PCBP3: variants seen among roughly 807,000 people sequenced by gnomAD.
The protein encoded by PCBP3 is poly(rC) binding protein 3, also known as poly(rC)-binding protein 3.
In PCBP3, 25 loss-of-function variants were observed where a neutral mutation model predicts 52.7. The ratio of observed to expected loss-of-function variants is 0.47; its 90% CI spans 0.35 to 0.66. The LOEUF (loss-of-function observed/expected upper bound fraction) is 0.66, where lower values mean the gene tolerates loss of function less well. Among genes scored for constraint, PCBP3 ranks in the 30% least tolerant of loss-of-function variants. The probability of loss-of-function intolerance (pLI) is 0.01; values close to 1 mark genes in which losing one functional copy is unlikely to be tolerated. For missense variants in PCBP3, 391 were observed against 490.3 expected (o/e 0.80, Z 1.91); for synonymous variants, 162 against 183.0 (o/e 0.89, Z 0.93).
At position 45,814,713 on chromosome 21, in the gene PCBP3, ATGAGTGAGTGGTGAGTGG is replaced by A. The variant is rs2092803650; in HGVS notation, c.-125-35230_-125-35213del. ...AGTGGTGAGTGATGAGTGGTGAGTG[ATGAGTGAGTGGTGAGTGG>A]TGAGTGAGTGGTGAGTGATGAGTGA... On this transcript the variant is annotated intron_variant, in intron 4 of 17. Transcript: ENST00000681687. Among the ~76,000 whole-genome samples, 3 of 89,472 alleles carry A rather than the reference ATGAGTGAGTGGTGAGTGG, an allele frequency of 3.4e-5. No individual in the cohort carries two copies. The South Asian group carries it at 1.3e-3, about 39-fold the overall frequency. 58.7% of individuals were successfully genotyped at this position (89,472 alleles called of 152,430 possible). A position where few individuals can be genotyped will look rare whatever the true frequency, so the allele number is the denominator to read the frequency against.
intron 15 of PCBP3, among the ~76,000 whole-genome samples, chr21:45,934,496 C>T (rs1463960578): frequency 6.6e-6 from 1 of 152,166 alleles, no homozygotes; most frequent in Non-Finnish European, 1.5e-5. Context: ...CAATTAGACC[C>T]ATATTGTCAC....
At chr21:45,677,502 T>C (rs2081542876) in intron 2 of PCBP3, among the ~76,000 whole-genome samples, 1 of 152,260 alleles carries the variant, frequency 6.6e-6, no homozygotes, top group African/African-American at 2.4e-5. Context: ...ATGCTGTACC[T>C]TGTTCTCCAG....
Position 45,880,717 on chromosome 21 carries a change from C to T in PCBP3, c.11-15491C>T, listed in dbSNP as rs923794769. Among the ~76,000 whole-genome samples the T allele has an allele frequency of 5.9e-5, 9 of 152,006 alleles. No homozygotes were observed. The highest frequency in any genetic ancestry group is 1.7e-4 in the African/African-American group (7 of 41,382). ...GTGACTGCAGCAGGGCCAGGAGAGA[C>T]GGGGTTGTAGGTACAGCCTGGTAGG... On this transcript the variant is annotated intron_variant, in intron 5 of 17. Coordinates refer to ENST00000681687, the MANE Select transcript of PCBP3 (RefSeq NM_001384156.1). The surrounding 1 kb of genome is among the most constrained non-coding windows in gnomAD (Gnocchi z 5.4).
intron 11 of PCBP3, among the ~76,000 whole-genome samples, chr21:45,912,220 G>A (rs758311643): frequency 1.3e-5 from 2 of 152,190 alleles, no homozygotes; most frequent in Non-Finnish European, 2.9e-5. Flanking sequence ...TCTCCTTCCT[G>A]GGCAGGGAGG....
chr21:45,768,923 C>T (rs1191185826), intron 4 of PCBP3, among the ~76,000 whole-genome samples: 1 of 152,192 alleles, frequency 6.6e-6, no homozygotes, highest in Non-Finnish European at 1.5e-5. Context: ...TGCCAGAGCT[C>T]CAAGGCGCAA....
At chr21:45,753,723 T>C (rs1304149937) in intron 3 of PCBP3, among the ~76,000 whole-genome samples, 1 of 152,216 alleles carries the variant, frequency 6.6e-6, no homozygotes, top group African/African-American at 2.4e-5. Flanking sequence ...GTTTGTCTTA[T>C]ATGTATGCTT....
At chr21:45,692,993 C>T (rs2082571643) in intron 2 of PCBP3, among the ~76,000 whole-genome samples, 1 of 152,150 alleles carries the variant, frequency 6.6e-6, no homozygotes, top group African/African-American at 2.4e-5. Flanking sequence ...TAATCATCAT[C>T]ATTCAATGTA....
intron 4 of PCBP3, among the ~76,000 whole-genome samples, chr21:45,797,192 T>C (rs1207440478): frequency 2.0e-5 from 3 of 152,278 alleles, no homozygotes; most frequent in Non-Finnish European, 4.4e-5. Context: ...AGAAAGTGAA[T>C]GTGAATGCTA....
At chr21:45,650,417 G>T (rs955129434) in intron 1 of PCBP3, among the ~76,000 whole-genome samples, 4 of 151,932 alleles carry the variant, frequency 2.6e-5, no homozygotes, top group African/African-American at 9.7e-5. Flanking sequence ...ATTCAGATTT[G>T]GTATCAACAT....
intron 2 of PCBP3, among the ~76,000 whole-genome samples, chr21:45,674,616 A>C (rs2081357461): frequency 6.6e-6 from 1 of 152,212 alleles, no homozygotes; most frequent in Non-Finnish European, 1.5e-5. Flanking sequence ...TTGCTTACTA[A>C]AAAATTGATA....
In PCBP3 at chr21:45,738,600, G is replaced by A. The variant is rs866511208; in HGVS notation, c.-162+3171G>A. 3.3e-5 allele frequency among the ~76,000 whole-genome samples: 5 copies of A among 152,240 alleles called. No homozygotes were observed. In the Middle Eastern group the frequency reaches 0.01, roughly 311 times the overall value. ...AGATAACAATTTTCCTTATAGAACT[G>A]AAAAATATGAAAAACAATTTAAAAA... On this transcript the variant is annotated intron_variant, in intron 3 of 17. Coordinates refer to ENST00000681687, the MANE Select transcript of PCBP3 (RefSeq NM_001384156.1).
intron 4 of PCBP3, among the ~76,000 whole-genome samples, chr21:45,768,814 C>T (rs939899154): frequency 6.6e-6 from 1 of 152,358 alleles, no homozygotes; most frequent in Non-Finnish European, 1.5e-5. Flanking sequence ...CGTGCTGTGC[C>T]TGCCCTGTGA....
intron 4 of PCBP3, among the ~76,000 whole-genome samples, chr21:45,815,475 TGATG>T (rs2092888724): frequency 1.9e-5 from 2 of 107,358 alleles, no homozygotes; most frequent in Non-Finnish European, 1.9e-5. Context: ...GAGTGATGAG[TGATG>T]GGTGAGTGGT....
intron 9 of PCBP3, among the ~76,000 whole-genome samples, chr21:45,905,194 G>A (rs918030228): frequency 6.6e-6 from 1 of 152,202 alleles, no homozygotes; most frequent in African/African-American, 2.4e-5. Context: ...GAGTCAAGCT[G>A]TGGCTAAAGC....
In PCBP3 at chr21:45,928,399, C is replaced by T. The variant is rs1344359628; in HGVS notation, c.718-1518C>T. 6.6e-6 allele frequency among the ~76,000 whole-genome samples: 1 copy of T among 152,142 alleles called. No homozygotes were observed. The highest frequency in any genetic ancestry group is 6.5e-5 in the Admixed American group (1 of 15,284). On this transcript the variant is annotated intron_variant, in intron 13 of 17. Transcript: ENST00000681687. This position sits in a 1 kb window ranked among gnomAD's most constrained non-coding sequence, Gnocchi z 4.1. ...AGGGGCAGGGCTGGGGAGCAGGCCC[C>T]CCGATCCTCCCAGGGTACTAGGTAC...
chr21:45,787,503 C>T lies in PCBP3; in HGVS notation c.-126+32051C>T, dbSNP rs114321966. Among the ~76,000 whole-genome samples, 895 of 152,224 alleles carry T rather than the reference C, an allele frequency of 5.9e-3. 7 individuals carry two copies. The highest frequency in any genetic ancestry group is 0.02 in the African/African-American group (836 of 41,526). ...CCAGCCGTAGCTCAAGTGATCCTTC[C>T]GCCCTGGCCCCCCACAGTGCTGGGA... is the stretch of plus-strand genomic sequence containing the variant. On this transcript the variant is annotated intron_variant, in intron 4 of 17. Coordinates refer to ENST00000681687, the MANE Select transcript of PCBP3 (RefSeq NM_001384156.1).
chr21:45,763,859 C>G (rs531688782), intron 4 of PCBP3: 2 of 152,494 alleles, frequency 1.3e-5, no homozygotes, highest in African/African-American at 4.8e-5. Context: ...CTCCCTTTGC[C>G]CTTGGCCGTG....
rs2094133250 is a variant in PCBP3 at position 45,853,470 on chromosome 21, C to T, written c.10+3375C>T. On this transcript the variant is annotated intron_variant, in intron 5 of 17. Transcript: ENST00000681687. This position sits in a 1 kb window ranked among gnomAD's most constrained non-coding sequence, Gnocchi z 4.6. ...AGCAGAGATTTACTGAAAATGAGAG[C>T]ACAGTCCACAGGGTGGGAGCAGCCC... Among the ~76,000 whole-genome samples, 1 of 152,192 alleles carries T rather than the reference C, an allele frequency of 6.6e-6. No homozygotes were observed. The highest frequency in any genetic ancestry group is 1.5e-5 in the Non-Finnish European group (1 of 68,038).
At chr21:45,694,844 T>G (rs1338171467) in intron 2 of PCBP3, among the ~76,000 whole-genome samples, 1 of 152,220 alleles carries the variant, frequency 6.6e-6, no homozygotes, top group Non-Finnish European at 1.5e-5. Flanking sequence ...TTATTTGAAT[T>G]GAAAAACTCA....
Sources: gnomAD v4.1 joint callset for allele counts (sites outside exome capture counted in the v4.1 genomes callset) on GRCh38, gnomAD v4.1.1 for gene constraint, Gnocchi (gnomAD v3.1) non-coding constraint, MANE v1.5 for transcripts, NCBI Gene and HGNC (gene_info 2026-07-23, HGNC 2026-07-21) for gene names.